The following SPAG16 variants were observed in gnomAD, a reference collection of about 807,000 sequenced individuals.
SPAG16 encodes sperm-associated antigen 16 protein.
SPAG16 carries 86 observed loss-of-function variants against 80.4 expected under a neutral mutation model. That is an observed-to-expected ratio of 1.07 (90% CI 0.90 to 1.28). The LOEUF is 1.28. Ranked by LOEUF, SPAG16 falls within the 50% of genes most tolerant of loss-of-function variation. The pLI is 0.00. For missense variants in SPAG16, 870 were observed against 765.3 expected, an observed-to-expected ratio of 1.14 and a Z score of -1.61; for synonymous variants, 294 against 265.9, an observed-to-expected ratio of 1.11 and a Z score of -1.03.
In SPAG16 at chr2:214,371,098, G is replaced by A. The variant is rs138175468; in HGVS notation, c.1721-39042G>A. Among the ~76,000 whole-genome samples, 86 of 152,212 alleles carry A rather than the reference G, an allele frequency of 5.7e-4. 1 individual carries two copies. The Middle Eastern group carries it at 0.01, about 18-fold the overall frequency. The stretch of plus-strand genomic sequence containing the variant: ...AGAGATTAAGGTGGGCTATTACTGG[G>A]ATAATGCATCACATCTGATTGGAGG... On this transcript the variant is annotated intron_variant, in intron 15 of 15. Transcript: ENST00000331683.
At position 213,705,088 on chromosome 2, in the gene SPAG16, T is replaced by TA. The variant is rs745672400; in HGVS notation, c.1071-157388dup. On this transcript the variant is annotated intron_variant, in intron 10 of 15. Transcript: ENST00000331683. ...TAACATGGTGAAACCCTGTCCCTAC[T>TA]AAAAAAAAACAAAAAACAAAAATTA... Among the ~76,000 whole-genome samples, 12 of 150,210 alleles carry TA rather than the reference T, an allele frequency of 8.0e-5. No individual in the cohort carries two copies. In the South Asian group the frequency reaches 1.1e-3, roughly 13 times the overall value.
intron 15 of SPAG16, among the ~76,000 whole-genome samples, chr2:214,405,936 G>A (rs926610712): frequency 3.9e-4 from 59 of 152,322 alleles, no homozygotes; most frequent in African/African-American, 1.4e-3. Flanking sequence ...GACATTCAAT[G>A]AATGAGGGCT....
At chr2:213,917,184 A>G (rs1318885928) in intron 11 of SPAG16, among the ~76,000 whole-genome samples, 1 of 151,980 alleles carries the variant, frequency 6.6e-6, no homozygotes, top group African/African-American at 2.4e-5. Flanking sequence ...ACTGTAGTCT[A>G]GTAGTACAGT....
At chr2:213,401,478 T>C (rs1433141949) in intron 9 of SPAG16, among the ~76,000 whole-genome samples, 1 of 152,236 alleles carries the variant, frequency 6.6e-6, no homozygotes, top group Non-Finnish European at 1.5e-5. Flanking sequence ...CTGGTGATCT[T>C]GGATTAAAGG....
At chr2:213,379,747 T>C (rs1221411012) in intron 9 of SPAG16, among the ~76,000 whole-genome samples, 2 of 152,172 alleles carry the variant, frequency 1.3e-5, no homozygotes, top group East Asian at 3.9e-4. Flanking sequence ...AGTGTTGGTC[T>C]CTGCTGCTGG....
intron 13 of SPAG16, among the ~76,000 whole-genome samples, chr2:214,061,149 A>T (rs763025218): frequency 8.5e-5 from 13 of 152,220 alleles, no homozygotes; most frequent in Non-Finnish European, 1.6e-4. Flanking sequence ...GATCTCCTGA[A>T]GCATTTAGCA....
intron 7 of SPAG16, among the ~76,000 whole-genome samples, chr2:213,361,964 G>A (rs905275113): frequency 8.5e-5 from 13 of 152,084 alleles, no homozygotes; most frequent in Non-Finnish European, 4.4e-5. Flanking sequence ...TGCGGTTGGG[G>A]GTTAGGGCCA....
At chr2:213,372,164 T>A (rs980915901) in intron 8 of SPAG16, among the ~76,000 whole-genome samples, 4 of 152,126 alleles carry the variant, frequency 2.6e-5, no homozygotes, top group African/African-American at 9.6e-5. Flanking sequence ...GCTTATGAAA[T>A]CTACTGGTTT....
chr2:213,880,359 G>A (rs904056385), intron 11 of SPAG16, among the ~76,000 whole-genome samples: 1 of 152,092 alleles, frequency 6.6e-6, no homozygotes, highest in Non-Finnish European at 1.5e-5. Context: ...TAAGTTCCTT[G>A]TAGATTCTGT....
At chr2:214,318,426 G>A (rs1161591183) in intron 15 of SPAG16, among the ~76,000 whole-genome samples, 1 of 132,896 alleles carries the variant, frequency 7.5e-6, no homozygotes, top group Non-Finnish European at 1.6e-5. Flanking sequence ...CTGTTGCCCA[G>A]GCTGGAGTGC....
chr2:214,103,943 C>CAG (rs57534934), intron 13 of SPAG16, among the ~76,000 whole-genome samples: 90 of 145,738 alleles, frequency 6.2e-4, no homozygotes, highest in African/African-American at 1.5e-3. Context: ...GAGAGGGAAA[C>CAG]AGAGAGAGAG....
chr2:214,040,625 A>G lies in SPAG16; in HGVS notation c.1527+26548A>G, dbSNP rs145645332. Among the ~76,000 whole-genome samples, 6 of 152,258 alleles carry G rather than the reference A, an allele frequency of 3.9e-5. 2 individuals are homozygous for G. The highest frequency in any genetic ancestry group is 1.4e-4 in the African/African-American group (6 of 41,548). On this transcript the variant is annotated intron_variant, in intron 13 of 15. Coordinates refer to ENST00000331683, the MANE Select transcript of SPAG16 (RefSeq NM_024532.5). Reference sequence around the variant, plus strand: ...ATGTCCCTGCAGAGGACATGATCTCATTCTTTTTTGTGGCTGCATAGTATT... The same window carrying G: ...ATGTCCCTGCAGAGGACATGATCTCGTTCTTTTTTGTGGCTGCATAGTATT...
At chr2:213,738,711 A>C (rs1027883416) in intron 10 of SPAG16, among the ~76,000 whole-genome samples, 1 of 152,226 alleles carries the variant, frequency 6.6e-6, no homozygotes, top group South Asian at 2.1e-4. Context: ...TACTGTATGA[A>C]AAATATGATA....
intron 14 of SPAG16, among the ~76,000 whole-genome samples, chr2:214,114,734 G>A (rs2053848755): frequency 6.6e-6 from 1 of 152,212 alleles, no homozygotes; most frequent in South Asian, 2.1e-4. Flanking sequence ...GGCTAGGAAA[G>A]GGAAATCCCC....
chr2:213,945,167 T>C (rs1410927378), intron 12 of SPAG16, among the ~76,000 whole-genome samples: 1 of 151,282 alleles, frequency 6.6e-6, no homozygotes, highest in Non-Finnish European at 1.5e-5. Flanking sequence ...TATATATGTG[T>C]GTGTATATAT....
chr2:213,922,820 T>G (rs2078285966), intron 11 of SPAG16, among the ~76,000 whole-genome samples: 1 of 152,222 alleles, frequency 6.6e-6, no homozygotes. Flanking sequence ...ATGATTACTG[T>G]CTGCATGCCC....
chr2:213,720,030 C>T (rs1270698860), intron 10 of SPAG16, among the ~76,000 whole-genome samples: 7 of 152,100 alleles, frequency 4.6e-5, no homozygotes, highest in African/African-American at 1.4e-4. Context: ...AGTTCATGTC[C>T]TTTGCAGGGA....
intron 10 of SPAG16, among the ~76,000 whole-genome samples, chr2:213,831,127 C>T (rs191860063): frequency 6.7e-6 from 1 of 148,350 alleles, no homozygotes; most frequent in South Asian, 2.1e-4. Context: ...GCAACCTTAG[C>T]CTCCTGAGTT....
chr2:213,980,479 A>G (rs1265965812), intron 12 of SPAG16, among the ~76,000 whole-genome samples: 1 of 136,296 alleles, frequency 7.3e-6, no homozygotes, highest in African/African-American at 2.8e-5. Context: ...ATGTGTGTAT[A>G]TATATAATAT....
Sources: gnomAD v4.1 joint callset for allele counts (sites outside exome capture counted in the v4.1 genomes callset) on GRCh38, gnomAD v4.1.1 for gene constraint, MANE v1.5 for transcripts, NCBI Gene and HGNC (gene_info 2026-07-23, HGNC 2026-07-21) for gene names.